ACSF3: variants seen among roughly 807,000 people sequenced by gnomAD.
ACSF3 encodes the protein malonate--CoA ligase ACSF3, mitochondrial.
ACSF3 carries 78 observed loss-of-function variants against 53.2 expected under a neutral mutation model. The observed-to-expected ratio is 1.47, with a 90% CI of 1.22 to 1.77. The LOEUF (loss-of-function observed/expected upper bound fraction) is 1.77. ACSF3 is among the 40% of genes most tolerant of loss of function. The probability of loss-of-function intolerance (pLI) is 0.00; values close to 1 mark genes in which losing one functional copy is unlikely to be tolerated. For missense variants in ACSF3, 937 were observed against 771.1 expected (o/e 1.22, Z -2.55); for synonymous variants, 414 against 333.1 (o/e 1.24, Z -2.65).
At chr16:89,151,246 G>A (rs1465208913) in intron 10 of ACSF3, 2 of 454,836 alleles carry the variant, frequency 4.4e-6, no homozygotes, top group Non-Finnish European at 8.8e-6. Context: ...GAACAGTTCT[G>A]AGTTACCAAT....
chr16:89,106,373 A>G (rs1031986013), intron 4 of ACSF3, among the ~76,000 whole-genome samples: 4 of 151,944 alleles, frequency 2.6e-5, no homozygotes, highest in South Asian at 2.1e-4. Flanking sequence ...GCTCACTGCA[A>G]CCTCCGCCTC....
intron 8 of ACSF3, chr16:89,141,179 A>G: frequency 7.8e-7 from 1 of 1,287,096 alleles, no homozygotes; most frequent in African/African-American, 1.5e-5. Flanking sequence ...CTTTGTTTAA[A>G]CCCTGGCTCC....
chr16:89,124,547 CTGTA>C (rs960393194), intron 7 of ACSF3, among the ~76,000 whole-genome samples: 12 of 85,500 alleles, frequency 1.4e-4, no homozygotes, highest in African/African-American at 2.8e-4. Context: ...CATCTGCTCA[CTGTA>C]TGTATGTGTG....
chr16:89,141,008 A>T (rs1317469903), intron 8 of ACSF3: 2 of 1,209,842 alleles, frequency 1.7e-6, no homozygotes, highest in African/African-American at 1.6e-5. Context: ...ATGCATTTTG[A>T]TAAATAGGTT....
rs537095633 is a variant in ACSF3 at position 89,154,855 on chromosome 16, G to A, written c.*648G>A. On this transcript the variant is annotated 3_prime_UTR_variant, in exon 11 of 11. Transcript: ENST00000614302. ...CATGTGTCACAGAAAGTGCGTGGAC[G>A]GATGGCCCCGGAGCTGCTCTGCCGT... 33 of 454,130 alleles carry A rather than the reference G, an allele frequency of 7.3e-5. No individual in the cohort carries two copies. Among genetic ancestry groups the A allele is most frequent in the Non-Finnish European group, 1.1e-4 (25 of 226,788 alleles). 28.1% of individuals were successfully genotyped at this position (454,130 alleles called of 1,614,324 possible). A position where few individuals can be genotyped will look rare whatever the true frequency, so the allele number is the denominator to read the frequency against.
rs1376063484 is a variant in ACSF3, at chr16:89,098,620, C to G, written c.-164C>G. 2.2e-6 allele frequency: 1 copy of G among 453,132 alleles called. No homozygotes were observed. The highest frequency in any genetic ancestry group is 4.4e-6 in the Non-Finnish European group (1 of 225,874). 28.1% of individuals were successfully genotyped at this position (453,132 alleles called of 1,614,324 possible). On this transcript the variant is annotated 5_prime_UTR_variant, in exon 2 of 11. Transcript: ENST00000614302. Reference sequence around the variant, plus strand: ...CCCACCGGCCTTCCGGGTTCCAGCGCCAGGCCTGGTGCCTGCCCCAGGAGG... The same window carrying G: ...CCCACCGGCCTTCCGGGTTCCAGCGGCAGGCCTGGTGCCTGCCCCAGGAGG...
At chr16:89,131,353 C>T (rs1471282702) in intron 7 of ACSF3, among the ~76,000 whole-genome samples, 3 of 151,730 alleles carry the variant, frequency 2.0e-5, no homozygotes, top group Non-Finnish European at 2.9e-5. Flanking sequence ...CTCAAACACC[C>T]GAGCTCAAGC....
At chr16:89,112,419 T>C (rs1387244615) in intron 5 of ACSF3, among the ~76,000 whole-genome samples, 173 bp downstream of exon 5, 1 of 152,100 alleles carries the variant, frequency 6.6e-6, no homozygotes, top group Admixed American at 6.5e-5. Flanking sequence ...TGTCTCTCTC[T>C]CTCTCTACCC....
chr16:89,107,136 A>G (rs965754964), intron 4 of ACSF3, among the ~76,000 whole-genome samples: 11 of 152,160 alleles, frequency 7.2e-5, no homozygotes, highest in African/African-American at 2.7e-4. Flanking sequence ...TAGTTAGTCA[A>G]ATGTTATGGC....
chr16:89,122,499 T>A, intron 7 of ACSF3: 1 of 372,584 alleles, frequency 2.7e-6, no homozygotes, highest in Non-Finnish European at 5.4e-6. Flanking sequence ...TTCCTGGCTC[T>A]CAAGTCTGTG....
At chr16:89,120,183 T>C (rs552882721) in intron 6 of ACSF3, among the ~76,000 whole-genome samples, 2 of 152,278 alleles carry the variant, frequency 1.3e-5, no homozygotes, top group South Asian at 2.1e-4. Context: ...GTGTAAGATA[T>C]GATTTTAGCC....
intron 4 of ACSF3, among the ~76,000 whole-genome samples, chr16:89,111,699 C>T (rs1567699024): frequency 6.6e-6 from 1 of 152,228 alleles, no homozygotes; most frequent in Non-Finnish European, 1.5e-5. Context: ...TTCACCCGTT[C>T]GCTAGTCACT....
At chr16:89,131,021 A>T (rs1428032832) in intron 7 of ACSF3, among the ~76,000 whole-genome samples, 1 of 148,854 alleles carries the variant, frequency 6.7e-6, no homozygotes, top group African/African-American at 2.5e-5. Flanking sequence ...CAGTTTTTAA[A>T]TTATTGTTTG....
At chr16:89,097,975 T>C (rs1974817520) in intron 1 of ACSF3, among the ~76,000 whole-genome samples, 1 of 152,072 alleles carries the variant, frequency 6.6e-6, no homozygotes. Flanking sequence ...GACAGGGGAC[T>C]TCATTAAGAG....
chr16:89,141,191 A>G (rs1457699594), intron 8 of ACSF3: 2 of 1,287,208 alleles, frequency 1.6e-6, no homozygotes, highest in Non-Finnish European at 2.0e-6. Flanking sequence ...CCTGGCTCCG[A>G]TGCCTCTGAG....
At position 89,155,286 on chromosome 16, in the gene ACSF3, A is replaced by G; in HGVS notation, c.*1079A>G. 2 of 454,120 alleles carry G rather than the reference A, an allele frequency of 4.4e-6. No individual in the cohort carries two copies. Among genetic ancestry groups the G allele is most frequent in the South Asian group, 3.1e-5 (2 of 64,476 alleles). 28.1% of individuals were successfully genotyped at this position (454,120 alleles called of 1,614,324 possible). On this transcript the variant is annotated 3_prime_UTR_variant, in exon 11 of 11. Transcript: ENST00000614302. The stretch of plus-strand genomic sequence containing the variant: ...CTTACCCAGAACATTCTGCCCCCGG[A>G]ATGCACGTCTGAAAGAGTGGCCAGA...
intron 8 of ACSF3, among the ~76,000 whole-genome samples, chr16:89,144,881 C>CCT: frequency 6.6e-6 from 1 of 152,252 alleles, no homozygotes; most frequent in Non-Finnish European, 1.5e-5. Context: ...GGGCCTGAGC[C>CCT]GGCTTCCTAA....
At chr16:89,102,525 C>CA (rs1975465018) in intron 3 of ACSF3, 79 bp from the exon 4 acceptor site, 1 of 1,559,184 alleles carries the variant, frequency 6.4e-7, no homozygotes, top group African/African-American at 1.4e-5. Context: ...GAGCTCCTTT[C>CA]CGTGAGCCCG....
intron 8 of ACSF3, among the ~76,000 whole-genome samples, chr16:89,134,252 A>G (rs1189809785): frequency 6.6e-6 from 1 of 151,940 alleles, no homozygotes; most frequent in East Asian, 1.9e-4. Flanking sequence ...ATTCCAAGGA[A>G]TGGAATCTTG....
Sources: allele counts gnomAD v4.1 joint callset (sites outside exome capture counted in the v4.1 genomes callset), GRCh38; gene constraint gnomAD v4.1.1; transcripts MANE v1.5; gene names NCBI Gene and HGNC (gene_info 2026-07-23, HGNC 2026-07-21).